Variants in GRIP1 observed in about 807,000 individuals in gnomAD.
GRIP1 encodes the protein glutamate receptor-interacting protein 1.
Under a neutral mutation model 129.9 loss-of-function variants are expected in GRIP1, and 45 were observed. The observed-to-expected ratio is 0.35, with a 90% CI of 0.27 to 0.44. GRIP1 has a LOEUF of 0.44. GRIP1 is among the 20% of genes least tolerant of loss of function. The pLI, the probability that GRIP1 is intolerant of heterozygous loss-of-function variation, is 1.00. For missense variants in GRIP1, 1,196 were observed against 1,396.8 expected, an observed-to-expected ratio of 0.86 and a Z score of 2.29; for synonymous variants, 530 against 520.8, an observed-to-expected ratio of 1.02 and a Z score of -0.24.
chr12:66,506,834 G>A (rs183206547), intron 7 of GRIP1, among the ~76,000 whole-genome samples: 1 of 151,886 alleles, frequency 6.6e-6, no homozygotes, highest in Non-Finnish European at 1.5e-5. Context: ...TATGTAAAAG[G>A]GAATGAGGAA....
rs563749293 is a variant in GRIP1, at chr12:66,880,087, T to C, written c.58+188963A>G. Among the ~76,000 whole-genome samples the C allele has an allele frequency of 2.0e-5, 3 of 151,266 alleles. 1 individual carries two copies. In the South Asian group the frequency reaches 6.3e-4, roughly 32 times the overall value. ...GTAGCTGATGATGAGGCACAGAGAG[T>C]AGGTAATTTGTACAAGACCAGATAG... is the stretch of plus-strand genomic sequence containing the variant. On this transcript the variant is annotated intron_variant, in intron 1 of 1. Coordinates refer to the GRIP1 transcript ENST00000643019.
At chr12:66,578,402 G>C (rs1269632268) in intron 2 of GRIP1, among the ~76,000 whole-genome samples, 1 of 152,064 alleles carries the variant, frequency 6.6e-6, no homozygotes, top group Non-Finnish European at 1.5e-5. Context: ...CCAGACAGTG[G>C]GTGCAGGTCA....
intron 11 of GRIP1, among the ~76,000 whole-genome samples, chr12:66,448,428 T>A (rs1254009674): frequency 6.6e-6 from 1 of 152,212 alleles, no homozygotes; most frequent in Non-Finnish European, 1.5e-5. Flanking sequence ...TTTCATTATT[T>A]TTTATTTGAA....
At chr12:66,598,064 C>T (rs547523095) in intron 1 of GRIP1, among the ~76,000 whole-genome samples, 12 of 152,118 alleles carry the variant, frequency 7.9e-5, no homozygotes, top group Admixed American at 4.6e-4. Context: ...AGCAGGAAAT[C>T]GTTAAAGAAT....
At chr12:66,894,754 G>A (rs2040717602) in intron 1 of GRIP1, among the ~76,000 whole-genome samples, 1 of 152,180 alleles carries the variant, frequency 6.6e-6, no homozygotes, top group Non-Finnish European at 1.5e-5. Context: ...ATCAGACCCT[G>A]CAAGGGACAA....
At chr12:66,377,488 T>G (rs1031653266) in intron 20 of GRIP1, among the ~76,000 whole-genome samples, 1 of 148,640 alleles carries the variant, frequency 6.7e-6, no homozygotes, top group African/African-American at 2.5e-5. Context: ...CCACCACGCC[T>G]GGCTAATTTT....
chr12:66,583,524 T>C (rs1398464899), intron 2 of GRIP1, among the ~76,000 whole-genome samples: 1 of 128,824 alleles, frequency 7.8e-6, no homozygotes. Flanking sequence ...AAAGGGCTAA[T>C]ATCCAGAATC....
chr12:66,973,060 C>T (rs952316517), intron 1 of GRIP1, among the ~76,000 whole-genome samples: 10 of 152,098 alleles, frequency 6.6e-5, no homozygotes, highest in Non-Finnish European at 1.0e-4. Context: ...AGTGCCTAGG[C>T]TTGTTTCTAT....
chr12:66,812,960 T>C (rs1392348600), intron 1 of GRIP1, among the ~76,000 whole-genome samples: 1 of 152,100 alleles, frequency 6.6e-6, no homozygotes, highest in African/African-American at 2.4e-5. Context: ...CCAGGCACTA[T>C]TCACACTCTA....
chr12:66,477,300 A>G (rs1370810624), intron 7 of GRIP1, among the ~76,000 whole-genome samples: 2 of 152,062 alleles, frequency 1.3e-5, no homozygotes, highest in East Asian at 1.9e-4. Context: ...AGAATAAAAT[A>G]CCTAGGAATC....
At chr12:66,523,142 A>G (rs2061084398) in intron 5 of GRIP1, among the ~76,000 whole-genome samples, 1 of 151,474 alleles carries the variant, frequency 6.6e-6, no homozygotes. Flanking sequence ...CAATCTAGCA[A>G]GGCAGGCCAA....
chr12:66,970,073 C>T (rs1334756354), intron 1 of GRIP1, among the ~76,000 whole-genome samples: 2 of 152,040 alleles, frequency 1.3e-5, no homozygotes, highest in African/African-American at 4.8e-5. Flanking sequence ...GCTGTTTTTC[C>T]TTGCCTGTTA....
chr12:67,043,412 G>A (rs189584767), intron 1 of GRIP1, among the ~76,000 whole-genome samples: 181 of 152,174 alleles, frequency 1.2e-3, no homozygotes, highest in African/African-American at 4.0e-3. Context: ...TTCTGAGACC[G>A]CAAAAGTGAT....
chr12:66,432,512 T>C (rs780076858), intron 14 of GRIP1, 36 bp downstream of exon 14: 2 of 1,285,200 alleles, frequency 1.6e-6, no homozygotes, highest in South Asian at 2.4e-5. Flanking sequence ...TTCTAATGCC[T>C]TTAAAAATTA....
At position 66,465,393 on chromosome 12, in the gene GRIP1, G is replaced by A; in HGVS notation, c.754C>T (p.Leu252=). The change falls in exon 8 of 25, where the codon CTA becomes TTA. Residue 252 remains leucine, a synonymous_variant. Transcript: ENST00000359742. ...CCAGGAGTTTTGGCAACTTCGACTAGTAGTGGCCCGGATGCTGTTGCCACA... is the reference window on the plus strand; with the variant it reads ...CCAGGAGTTTTGGCAACTTCGACTAATAGTGGCCCGGATGCTGTTGCCACA... ...DSVATASGPL[L]VEVAKTPGAS... is the part of the protein sequence containing the mutation. 6.2e-7 allele frequency: 1 copy of A among 1,614,048 alleles called. No individual in the cohort carries two copies. Among genetic ancestry groups the A allele is most frequent in the Non-Finnish European group, 8.5e-7 (1 of 1,179,870 alleles).
chr12:66,448,853 T>C (rs1038671867), intron 11 of GRIP1, among the ~76,000 whole-genome samples: 1 of 152,208 alleles, frequency 6.6e-6, no homozygotes, highest in Non-Finnish European at 1.5e-5. Flanking sequence ...ACCCCTGCCC[T>C]GTTTTGAATT....
intron 1 of GRIP1, among the ~76,000 whole-genome samples, chr12:66,707,089 A>G (rs2136380909): frequency 6.6e-6 from 1 of 152,126 alleles, no homozygotes; most frequent in Non-Finnish European, 1.5e-5. Context: ...TTAGTAGGGA[A>G]AAAATAAAAA....
chr12:66,758,288 G>T (rs2037361631), intron 1 of GRIP1, among the ~76,000 whole-genome samples: 1 of 152,102 alleles, frequency 6.6e-6, no homozygotes, highest in Non-Finnish European at 1.5e-5. Context: ...ACAAACAAAA[G>T]CAGAAGCTCC....
chr12:67,046,032 A>ATGAGACTGGCTTTAC (rs2043248265), intron 1 of GRIP1, among the ~76,000 whole-genome samples: 2 of 152,210 alleles, frequency 1.3e-5, no homozygotes, highest in South Asian at 4.1e-4. Flanking sequence ...AAGTAGCGAG[A>ATGAGACTGGCTTTAC]TGAGACTGGC....
Sources: gnomAD v4.1 joint callset for allele counts (sites outside exome capture counted in the v4.1 genomes callset) on GRCh38, gnomAD v4.1.1 for gene constraint, MANE v1.5 for transcripts, NCBI Gene and HGNC (gene_info 2026-07-23, HGNC 2026-07-21) for gene names.